The following ALK variants were observed in gnomAD, a reference collection of about 807,000 sequenced individuals.
ALK encodes the protein ALK tyrosine kinase receptor.
ALK carries 74 observed loss-of-function variants against 163.1 expected under a neutral mutation model. The observed-to-expected ratio is 0.45, with a 90% CI of 0.38 to 0.55. The LOEUF (loss-of-function observed/expected upper bound fraction) is 0.55. Among genes scored for constraint, ALK ranks in the 20% least tolerant of loss-of-function variants. ALK has a pLI of 0.00. For missense variants in ALK, 2,063 were observed against 2,105.3 expected, an observed-to-expected ratio of 0.98 and a Z score of 0.39; for synonymous variants, 960 against 843.2, an observed-to-expected ratio of 1.14 and a Z score of -2.40.
At chr2:29,808,549 T>C (rs1438326581) in intron 1 of ALK, among the ~76,000 whole-genome samples, 1 of 152,070 alleles carries the variant, frequency 6.6e-6, no homozygotes, top group Non-Finnish European at 1.5e-5. Flanking sequence ...GGAGATAGAG[T>C]GAGCTGAGAC....
At chr2:29,323,946 C>T (rs1047639336) in intron 6 of ALK, among the ~76,000 whole-genome samples, 2 of 152,320 alleles carry the variant, frequency 1.3e-5, no homozygotes, top group Admixed American at 1.3e-4. Context: ...GTCCAGGGAC[C>T]AGCTGTAGCC....
intron 4 of ALK, among the ~76,000 whole-genome samples, chr2:29,465,133 C>T (rs1671178109): frequency 6.6e-6 from 1 of 152,058 alleles, no homozygotes. Flanking sequence ...CCATCATAAT[C>T]TAAATGCTTA....
intron 1 of ALK, among the ~76,000 whole-genome samples, chr2:29,844,231 G>A (rs564590993): frequency 2.0e-5 from 3 of 152,202 alleles, no homozygotes; most frequent in Non-Finnish European, 2.9e-5. Flanking sequence ...ATGCCTTGTG[G>A]AAAGCAGGGG....
intron 5 of ALK, among the ~76,000 whole-genome samples, chr2:29,338,536 C>T (rs995241635): frequency 1.4e-4 from 22 of 152,214 alleles, no homozygotes; most frequent in South Asian, 2.1e-4. Flanking sequence ...AATTTGGATG[C>T]CACTTTCCCC....
At chr2:29,481,900 C>T (rs1221120964) in intron 4 of ALK, among the ~76,000 whole-genome samples, 1 of 152,194 alleles carries the variant, frequency 6.6e-6, no homozygotes, top group Non-Finnish European at 1.5e-5. Context: ...TTCAAAGGCT[C>T]TTAAGCCTCA....
chr2:29,207,773 C>G (rs1023422156), intron 25 of ALK, among the ~76,000 whole-genome samples: 6 of 152,224 alleles, frequency 3.9e-5, no homozygotes. Flanking sequence ...TGCTGCCTCC[C>G]ATGACACACC....
At position 29,578,995 on chromosome 2, in the gene ALK, A is replaced by C. The variant is rs1394089466; in HGVS notation, c.953-46879T>G. Among the ~76,000 whole-genome samples the C allele has an allele frequency of 2.0e-5, 3 of 152,184 alleles. No homozygotes were observed. In the East Asian group the frequency reaches 5.8e-4, roughly 29 times the overall value. ...GGGGAGGGAGAAAGTCTAAAAAGCAATGTCAGCAGGAGAATGCACACTCTT... is the reference window on the plus strand; with the variant it reads ...GGGGAGGGAGAAAGTCTAAAAAGCACTGTCAGCAGGAGAATGCACACTCTT... On this transcript the variant is annotated intron_variant, in intron 3 of 28. Transcript: ENST00000389048.
intron 1 of ALK, among the ~76,000 whole-genome samples, chr2:29,827,846 C>A (rs575015697): frequency 2.6e-5 from 4 of 152,272 alleles, no homozygotes; most frequent in African/African-American, 9.6e-5. Context: ...CAAAAAAGAG[C>A]CCGCATTTCC....
intron 9 of ALK, among the ~76,000 whole-genome samples, chr2:29,289,191 C>T (rs569631314): frequency 1.4e-4 from 21 of 152,090 alleles, no homozygotes; most frequent in Admixed American, 4.6e-4. Context: ...TTCTCCTGTC[C>T]TCGATCATTA....
intron 3 of ALK, among the ~76,000 whole-genome samples, chr2:29,553,029 C>T (rs774278046): frequency 1.4e-4 from 22 of 152,136 alleles, no homozygotes; most frequent in Non-Finnish European, 2.5e-4. Context: ...CTTTATTCAG[C>T]GAAATTCTAA....
chr2:29,815,747 G>A (rs772701232), intron 1 of ALK, among the ~76,000 whole-genome samples: 7 of 152,190 alleles, frequency 4.6e-5, no homozygotes, highest in Non-Finnish European at 1.0e-4. Flanking sequence ...CGTACCTCCT[G>A]TCCACTGTCC....
In ALK at chr2:29,220,750, C is replaced by G. The variant is rs761333959; in HGVS notation, c.3601G>C (p.Gly1201Arg). 6 of 1,613,924 alleles carry G rather than the reference C, an allele frequency of 3.7e-6. No individual in the cohort carries two copies. In the South Asian group the frequency reaches 4.4e-5, roughly 12 times the overall value. ...CGGAGGAAGGACTTGAGGTCTCCCCCCGCCATGAGCTCCAGCAGGATGAAC... is the reference window on the plus strand; with the variant it reads ...CGGAGGAAGGACTTGAGGTCTCCCCGCGCCATGAGCTCCAGCAGGATGAAC... ...PRFILLELMA[G>R]GDLKSFLRET... Residue 1201 changes from glycine (G) to arginine (R), a missense_variant, in exon 23 of 29, where the codon GGG (glycine) becomes CGG (arginine). This residue lies in a region of ALK where 575 missense variants were observed against 626.6 expected (regional missense o/e 0.92). Transcript: ENST00000389048.
intron 1 of ALK, among the ~76,000 whole-genome samples, chr2:29,795,390 C>G (rs1664283145): frequency 6.6e-6 from 1 of 152,134 alleles, no homozygotes; most frequent in African/African-American, 2.4e-5. Context: ...TCTGGAAGAG[C>G]ATTTTAAAAA....
chr2:29,382,893 T>G (rs1411997911), intron 5 of ALK, among the ~76,000 whole-genome samples: 2 of 152,124 alleles, frequency 1.3e-5, no homozygotes, highest in Non-Finnish European at 2.9e-5. Flanking sequence ...AAGCCAGCAA[T>G]AAATGAAGAG....
At chr2:29,376,688 G>A (rs904288686) in intron 5 of ALK, among the ~76,000 whole-genome samples, 4 of 152,228 alleles carry the variant, frequency 2.6e-5, no homozygotes, top group African/African-American at 9.6e-5. Context: ...ATCCTGCTGA[G>A]GCGTTGCTTG....
At chr2:29,345,397 TG>T (rs1667918223) in intron 5 of ALK, among the ~76,000 whole-genome samples, 1 of 151,314 alleles carries the variant, frequency 6.6e-6, no homozygotes. Flanking sequence ...TGACTGAGTG[TG>T]AGACCCTGTC....
intron 2 of ALK, among the ~76,000 whole-genome samples, chr2:29,695,644 A>G (rs1202355458): frequency 6.6e-6 from 1 of 152,226 alleles, no homozygotes; most frequent in Non-Finnish European, 1.5e-5. Flanking sequence ...TAGAATCTAC[A>G]AAGAGCTTAA....
chr2:29,686,649 G>C (rs1458202230), intron 3 of ALK, among the ~76,000 whole-genome samples: 1 of 152,128 alleles, frequency 6.6e-6, no homozygotes, highest in Non-Finnish European at 1.5e-5. Flanking sequence ...TTCTTTCCTT[G>C]CTCCACATGC....
intron 1 of ALK, among the ~76,000 whole-genome samples, chr2:29,798,228 G>A (rs1364247615): frequency 1.3e-5 from 2 of 152,234 alleles, no homozygotes; most frequent in East Asian, 3.8e-4. Flanking sequence ...CTCTCTTTGT[G>A]TGTGTGAGAG....
Sources: allele counts gnomAD v4.1 joint callset (sites outside exome capture counted in the v4.1 genomes callset), GRCh38; gene constraint gnomAD v4.1.1; regional missense constraint gnomAD v4.1.1; transcripts MANE v1.5; gene names NCBI Gene and HGNC (gene_info 2026-07-23, HGNC 2026-07-21).